PIAS1: variants seen among roughly 807,000 people sequenced by gnomAD.
PIAS1 encodes protein inhibitor of activated STAT 1.
PIAS1 carries 6 observed loss-of-function variants against 71.3 expected under a neutral mutation model. The observed-to-expected ratio is 0.08, with a 90% CI of 0.05 to 0.17. PIAS1 has a LOEUF of 0.17. Among genes scored for constraint, PIAS1 ranks in the 10% least tolerant of loss-of-function variants. PIAS1 has a pLI of 1.00. For synonymous variants in PIAS1, 303 were observed against 292.9 expected (o/e 1.03, Z -0.35); for missense variants, 555 against 793.6 (o/e 0.70, Z 3.61).
chr15:68,087,265 C>G (rs764974619), intron 2 of PIAS1, among the ~76,000 whole-genome samples: 1 of 152,012 alleles, frequency 6.6e-6, no homozygotes, highest in Admixed American at 6.6e-5. Context: ...CATGCACATG[C>G]ACATGCACAC....
Position 68,067,025 on chromosome 15 carries a change from G to T in PIAS1, c.24+12675G>T, listed in dbSNP as rs1352583. ...TGATAATGTTTGGGGAACAAGGCAG[G>T]ATAAAGGTGTCCCACTTATGAGTAT... On this transcript the variant is annotated intron_variant, in intron 1 of 13. Transcript: ENST00000249636. 4.8e-3 allele frequency among the ~76,000 whole-genome samples: 726 copies of T among 152,256 alleles called. 6 individuals carry two copies. Among genetic ancestry groups the T allele is most frequent in the African/African-American group, 0.016 (669 of 41,532 alleles).
At chr15:68,087,050 A>G (rs1172651684) in intron 2 of PIAS1, among the ~76,000 whole-genome samples, 1 of 152,194 alleles carries the variant, frequency 6.6e-6, no homozygotes, top group Non-Finnish European at 1.5e-5. Context: ...TCATAAATTA[A>G]ATTAAAACCA....
intron 1 of PIAS1, among the ~76,000 whole-genome samples, chr15:68,078,353 G>A (rs1474978632): frequency 6.6e-6 from 1 of 152,080 alleles, no homozygotes; most frequent in Non-Finnish European, 1.5e-5. Context: ...TAAATCCTGC[G>A]TGTTGCCATG....
intron 1 of PIAS1, among the ~76,000 whole-genome samples, chr15:68,060,299 C>A (rs2091943907): frequency 6.6e-6 from 1 of 152,092 alleles, no homozygotes; most frequent in Non-Finnish European, 1.5e-5. Flanking sequence ...CCACGCCCAG[C>A]TGATGCTTAT....
chr15:68,157,319 AC>A (rs1218165673), intron 7 of PIAS1, among the ~76,000 whole-genome samples: 1 of 151,908 alleles, frequency 6.6e-6, no homozygotes, highest in Non-Finnish European at 1.5e-5. Context: ...TTTTTCTGTC[AC>A]TCTGTGCTGT....
intron 8 of PIAS1, among the ~76,000 whole-genome samples, chr15:68,169,447 G>A (rs1324570621): frequency 6.6e-6 from 1 of 152,188 alleles, no homozygotes; most frequent in Non-Finnish European, 1.5e-5. Flanking sequence ...GCCAAGGTGT[G>A]CAGATCACTT....
At chr15:68,097,009 A>G (rs181308589) in intron 2 of PIAS1, among the ~76,000 whole-genome samples, 1 of 152,208 alleles carries the variant, frequency 6.6e-6, no homozygotes, top group Non-Finnish European at 1.5e-5. Flanking sequence ...GCTTTCAGTC[A>G]TTCACCATTG....
rs1166072450 is a variant in PIAS1, at chr15:68,188,883, T to C, written c.*1048T>C. The C allele has an allele frequency of 1.3e-5, 2 of 152,208 alleles. No individual in the cohort carries two copies. The highest frequency in any genetic ancestry group is 2.9e-5 in the Non-Finnish European group (2 of 68,038). The allele number at this position is 152,208 out of a possible 1,614,324, so 9.4% of individuals were successfully genotyped here. On this transcript the variant is annotated 3_prime_UTR_variant, in exon 14 of 14. Transcript: ENST00000249636. The stretch of plus-strand genomic sequence containing the variant: ...TGTTTTGTGCAGCTGACAGAGGTAA[T>C]GTTACATCACCTAAAAAAGAAAGAT...
chr15:68,065,956 T>TTGC (rs1203851920), intron 1 of PIAS1, among the ~76,000 whole-genome samples: 4 of 126,384 alleles, frequency 3.2e-5, no homozygotes, highest in South Asian at 5.0e-4. Context: ...AGATAGGGTC[T>TTGC]TGCTGTGTTG....
Position 68,083,251 on chromosome 15 carries a change from C to T in PIAS1, c.25-3055C>T, listed in dbSNP as rs73423743. Among the ~76,000 whole-genome samples the T allele has an allele frequency of 4.7e-3, 712 of 152,256 alleles. 6 individuals are homozygous for T. Among genetic ancestry groups the T allele is most frequent in the African/African-American group, 0.015 (611 of 41,570 alleles). On this transcript the variant is annotated intron_variant, in intron 1 of 13. Transcript: ENST00000249636. The stretch of plus-strand genomic sequence containing the variant: ...GTTTAGTTTTCCTCAGTGTTGTCAA[C>T]ACTTTTCATTGTGAATTGACTGCTT...
chr15:68,114,647 A>G (rs2092550502), intron 2 of PIAS1, among the ~76,000 whole-genome samples: 1 of 152,004 alleles, frequency 6.6e-6, no homozygotes. Flanking sequence ...AATAGCAAAT[A>G]TTTTTAGAGC....
At chr15:68,149,211 G>T (rs2092829140) in intron 6 of PIAS1, among the ~76,000 whole-genome samples, 1 of 152,060 alleles carries the variant, frequency 6.6e-6, no homozygotes, top group Non-Finnish European at 1.5e-5. Flanking sequence ...TAGGCAGTGG[G>T]GCAGATAGGC....
In PIAS1 at chr15:68,135,580, G is replaced by A. The variant is rs1321876124; in HGVS notation, c.470-6366G>A. On this transcript the variant is annotated intron_variant, in intron 2 of 13. Coordinates refer to ENST00000249636, the MANE Select transcript of PIAS1 (RefSeq NM_016166.3). Reference sequence around the variant, plus strand: ...CCAGTAGGGGTGAACGGGCAGAGGCGCCCCTCACCTCCCGGACGGGGTGGC... The same window carrying A: ...CCAGTAGGGGTGAACGGGCAGAGGCACCCCTCACCTCCCGGACGGGGTGGC... 1.7e-4 allele frequency among the ~76,000 whole-genome samples: 8 copies of A among 47,632 alleles called. 1 individual carries two copies. Among genetic ancestry groups the A allele is most frequent in the African/African-American group, 2.9e-4 (6 of 21,026 alleles). The allele number at this position is 47,632 out of a possible 152,430, so 31.2% of individuals were successfully genotyped here.
chr15:68,129,794 T>TACACACACACACACAC (rs67860159), intron 2 of PIAS1, among the ~76,000 whole-genome samples: 1 of 144,988 alleles, frequency 6.9e-6, no homozygotes, highest in African/African-American at 2.6e-5. Context: ...TAATTGTATT[T>TACACACACACACACAC]ACACACACAC....
Position 68,186,247 on chromosome 15 carries a change from T to C in PIAS1, c.1663-1295T>C, listed in dbSNP as rs543795011. Reference sequence around the variant, plus strand: ...CATGCAGTGGGACAAGCTGTGCAGATGGAAGACAGTGACATCGATGACCCT... The same window carrying C: ...CATGCAGTGGGACAAGCTGTGCAGACGGAAGACAGTGACATCGATGACCCT... On this transcript the variant is annotated intron_variant, in intron 13 of 13. Transcript: ENST00000249636. This position sits in a 1 kb window ranked among gnomAD's most constrained non-coding sequence, Gnocchi z 4.4. Among the ~76,000 whole-genome samples the C allele has an allele frequency of 6.6e-6, 1 of 152,330 alleles. No homozygotes were observed. Among genetic ancestry groups the C allele is most frequent in the South Asian group, 2.1e-4 (1 of 4,828 alleles).
chr15:68,088,176 G>GTATATATATATATATATA (rs71455574), intron 2 of PIAS1, among the ~76,000 whole-genome samples: 5,124 of 71,876 alleles, frequency 0.071, 482 homozygotes, highest in East Asian at 0.1. Flanking sequence ...TTATGTGTGT[G>GTATATATATATATATATA]TATATATATA....
chr15:68,097,580 G>A (rs577029906), intron 2 of PIAS1, among the ~76,000 whole-genome samples: 139 of 151,984 alleles, frequency 9.1e-4, no homozygotes, highest in Admixed American at 2.2e-3. Flanking sequence ...CTACAGGCAC[G>A]CACCACCACG....
intron 1 of PIAS1, among the ~76,000 whole-genome samples, chr15:68,082,079 A>G (rs910524932): frequency 6.6e-6 from 1 of 152,204 alleles, no homozygotes; most frequent in Non-Finnish European, 1.5e-5. Context: ...AAAGGCCTTC[A>G]AAATCTTGAC....
At chr15:68,109,969 T>G (rs1033301254) in intron 2 of PIAS1, among the ~76,000 whole-genome samples, 1 of 152,154 alleles carries the variant, frequency 6.6e-6, no homozygotes, top group Admixed American at 6.5e-5. Context: ...AAACTTAAAT[T>G]TAAACAATTT....
Sources: allele counts gnomAD v4.1 joint callset (sites outside exome capture counted in the v4.1 genomes callset), GRCh38; gene constraint gnomAD v4.1.1; non-coding constraint Gnocchi (gnomAD v3.1); transcripts MANE v1.5; gene names NCBI Gene and HGNC (gene_info 2026-07-23, HGNC 2026-07-21).